MYOZ2: variants seen among roughly 807,000 people sequenced by gnomAD.
The protein encoded by MYOZ2 is myozenin 2.
A neutral mutation model predicts 25.4 loss-of-function variants in MYOZ2; 19 were observed. The ratio of observed to expected loss-of-function variants is 0.75; its 90% confidence interval spans 0.52 to 1.10. The LOEUF is 1.10. MYOZ2 is among the 50% of genes least tolerant of loss of function. The probability of loss-of-function intolerance (pLI) is 0.00; values close to 1 mark genes in which losing one functional copy is unlikely to be tolerated. For missense variants in MYOZ2, 270 were observed against 317.9 expected, an observed-to-expected ratio of 0.85 and a Z score of 1.15; for synonymous variants, 92 against 106.9, an observed-to-expected ratio of 0.86 and a Z score of 0.86.
intron 5 of MYOZ2, among the ~76,000 whole-genome samples, chr4:119,179,666 G>A (rs1345239704): frequency 2.0e-5 from 3 of 152,050 alleles, no homozygotes; most frequent in African/African-American, 7.3e-5. Flanking sequence ...CAAAATATCT[G>A]AGACTGGATA....
chr4:119,168,698 C>CAAA (rs1180100292), intron 5 of MYOZ2, among the ~76,000 whole-genome samples: 1 of 152,004 alleles, frequency 6.6e-6, no homozygotes, highest in Admixed American at 6.5e-5. Context: ...ACAACAACAA[C>CAAA]AACAACAACA....
At position 119,187,351 on chromosome 4, in the gene MYOZ2, A is replaced by C. The variant is rs1742316743; in HGVS notation, c.*1151A>C. 1 of 152,150 alleles carries C rather than the reference A, an allele frequency of 6.6e-6. No homozygotes were observed. Among genetic ancestry groups the C allele is most frequent in the Non-Finnish European group, 1.5e-5 (1 of 68,006 alleles). 9.4% of individuals were successfully genotyped at this position (152,150 alleles called of 1,614,324 possible). On this transcript the variant is annotated 3_prime_UTR_variant, in exon 6 of 6. Transcript: ENST00000307128. ...CTGTGATAGATGTTTATAGCAGAGA[A>C]GAAATGTCTCATCAATAGAAAACTA...
At chr4:119,182,665 A>G (rs1050776498) in intron 5 of MYOZ2, among the ~76,000 whole-genome samples, 1 of 152,160 alleles carries the variant, frequency 6.6e-6, no homozygotes, top group Non-Finnish European at 1.5e-5. Context: ...AAAGTTCACA[A>G]GAGGGTTTGC....
At chr4:119,157,911 C>A (rs562579980) in intron 3 of MYOZ2, 111 bp from the exon 4 acceptor site, 3 of 1,338,570 alleles carry the variant, frequency 2.2e-6, no homozygotes, top group East Asian at 2.4e-5. Context: ...AGTAATGAAG[C>A]GACATTGCAT....
chr4:119,169,092 C>G (rs1471032721), intron 5 of MYOZ2, among the ~76,000 whole-genome samples: 1 of 141,924 alleles, frequency 7.0e-6, no homozygotes, highest in Non-Finnish European at 1.6e-5. Context: ...GGCAATCACT[C>G]CACCAACAAA....
At chr4:119,155,168 G>A (rs749558141) in intron 3 of MYOZ2, among the ~76,000 whole-genome samples, 3 of 152,086 alleles carry the variant, frequency 2.0e-5, no homozygotes, top group Non-Finnish European at 4.4e-5. Context: ...TAATTACTGC[G>A]AGGATGGCAC....
chr4:119,137,856 AT>A (rs1741067355), intron 2 of MYOZ2, among the ~76,000 whole-genome samples: 1 of 152,132 alleles, frequency 6.6e-6, no homozygotes, highest in African/African-American at 2.4e-5. Context: ...ACTTGAAATT[AT>A]TTTTTAGCTT....
At chr4:119,164,741 T>C (rs1741783992) in intron 5 of MYOZ2, among the ~76,000 whole-genome samples, 1 of 152,138 alleles carries the variant, frequency 6.6e-6, no homozygotes, top group Admixed American at 6.5e-5. Flanking sequence ...GGCAATACTG[T>C]TCAAGAATTT....
rs947213850 is a variant in MYOZ2 at position 119,157,387 on chromosome 4, T to C, written c.247-635T>C. ...TATTGCCATAGAATAAATCCTGTAA[T>C]AGGAAAACAAATTTATCAAAATTTA... On this transcript the variant is annotated intron_variant, in intron 3 of 5. Transcript: ENST00000307128. Among the ~76,000 whole-genome samples, 6 of 152,292 alleles carry C rather than the reference T, an allele frequency of 3.9e-5. No individual in the cohort carries two copies. In the East Asian group the frequency reaches 1.2e-3, roughly 29 times the overall value.
intron 5 of MYOZ2, among the ~76,000 whole-genome samples, chr4:119,177,578 T>C (rs112317320): frequency 2.6e-5 from 4 of 152,202 alleles, no homozygotes. Context: ...GGGATCACTT[T>C]TTATTTTTCA....
chr4:119,184,564 T>C (rs970291503), intron 5 of MYOZ2, among the ~76,000 whole-genome samples: 3 of 152,254 alleles, frequency 2.0e-5, no homozygotes, highest in Non-Finnish European at 4.4e-5. Flanking sequence ...CTATTTTAAC[T>C]TTATGCATAG....
intron 4 of MYOZ2, among the ~76,000 whole-genome samples, chr4:119,162,904 G>A (rs1366053906): frequency 6.6e-6 from 1 of 152,162 alleles, no homozygotes; most frequent in East Asian, 1.9e-4. Flanking sequence ...CTACATTTAG[G>A]TCTAGACAGG....
At chr4:119,136,150 T>G (rs1326519302) in intron 1 of MYOZ2, among the ~76,000 whole-genome samples, 168 bp downstream of exon 1, 6 of 152,132 alleles carry the variant, frequency 3.9e-5, no homozygotes, top group African/African-American at 1.4e-4. Context: ...ATTCTTACAG[T>G]TTGCTGGAAT....
At chr4:119,136,399 C>G (rs767087022) in intron 1 of MYOZ2, 113 bp from the exon 2 acceptor site, 7 of 929,138 alleles carry the variant, frequency 7.5e-6, no homozygotes, top group Non-Finnish European at 1.0e-5. Context: ...CAGTAGCAAG[C>G]GATAATAACT....
intron 3 of MYOZ2, among the ~76,000 whole-genome samples, chr4:119,155,286 C>A (rs13133510): frequency 6.6e-6 from 1 of 152,098 alleles, no homozygotes; most frequent in Non-Finnish European, 1.5e-5. Flanking sequence ...GGACAAATAT[C>A]CAAATCACAT....
intron 5 of MYOZ2, among the ~76,000 whole-genome samples, chr4:119,164,990 A>G (rs542854363): frequency 6.6e-6 from 1 of 151,420 alleles, no homozygotes; most frequent in African/African-American, 2.4e-5. Flanking sequence ...ATTTCCATGG[A>G]TATTTTGAAT....
At chr4:119,151,114 C>A in intron 3 of MYOZ2, 73 bp downstream of exon 3, 2 of 1,437,554 alleles carry the variant, frequency 1.4e-6, no homozygotes, top group South Asian at 1.2e-5. Flanking sequence ...TGACTAGTTT[C>A]TGAAGGAAGT....
chr4:119,144,825 T>C (rs187881066), intron 2 of MYOZ2, among the ~76,000 whole-genome samples: 65 of 152,322 alleles, frequency 4.3e-4, no homozygotes, highest in African/African-American at 1.5e-3. Context: ...ATTTTGATAG[T>C]TCTGTATTTA....
In MYOZ2 at chr4:119,186,325, T is replaced by C. The variant is rs936885096; in HGVS notation, c.*125T>C. The C allele has an allele frequency of 2.8e-6, 2 of 719,370 alleles. No individual in the cohort carries two copies. Among genetic ancestry groups the C allele is most frequent in the African/African-American group, 3.6e-5 (2 of 56,018 alleles). 44.6% of individuals were successfully genotyped at this position (719,370 alleles called of 1,614,324 possible). ...ACAATAGCAATTTAGTGATTTTCCT[T>C]TTCTGACATTCAATTTCAATCTCAG... On this transcript the variant is annotated 3_prime_UTR_variant, in exon 6 of 6. Coordinates refer to ENST00000307128, the MANE Select transcript of MYOZ2 (RefSeq NM_016599.5).
Sources: allele counts gnomAD v4.1 joint callset (sites outside exome capture counted in the v4.1 genomes callset), GRCh38; gene constraint gnomAD v4.1.1; transcripts MANE v1.5; gene names NCBI Gene and HGNC (gene_info 2026-07-23, HGNC 2026-07-21).